Variants in F5 observed in about 807,000 individuals in gnomAD.
F5 encodes coagulation factor V.
A neutral mutation model predicts 216.4 loss-of-function variants in F5; 138 were observed. The observed-to-expected ratio is 0.64, with a 90% CI of 0.56 to 0.73. The LOEUF is 0.73. Among genes scored for constraint, F5 ranks in the 30% least tolerant of loss-of-function variants. The pLI is 0.00. For missense variants in F5, 2,403 were observed against 2,674.0 expected, an observed-to-expected ratio of 0.90 and a Z score of 2.24; for synonymous variants, 916 against 930.7, an observed-to-expected ratio of 0.98 and a Z score of 0.29.
intron 1 of F5, 81 bp downstream of exon 1, chr1:169,586,148 G>T: frequency 8.2e-6 from 12 of 1,461,410 alleles, no homozygotes; most frequent in African/African-American, 1.4e-5. Context: ...AAAAAGCCAT[G>T]ACATTGCAAA....
intron 5 of F5, among the ~76,000 whole-genome samples, chr1:169,558,658 C>A (rs939679736): frequency 6.6e-6 from 1 of 152,120 alleles, no homozygotes; most frequent in Non-Finnish European, 1.5e-5. Context: ...ATTTTGCCTT[C>A]TCATAAGTGC....
At chr1:169,521,912 C>T (rs1659318863) in intron 21 of F5, among the ~76,000 whole-genome samples, 3 of 147,378 alleles carry the variant, frequency 2.0e-5, no homozygotes, top group South Asian at 4.5e-4. Flanking sequence ...AGCCACTGCG[C>T]CCGGCCAAGA....
intron 6 of F5, among the ~76,000 whole-genome samples, chr1:169,556,423 A>T (rs1432623475): frequency 7.2e-6 from 1 of 138,036 alleles, no homozygotes; most frequent in African/African-American, 2.7e-5. Context: ...CTTTTGCTTA[A>T]TTAAAAAAAA....
chr1:169,557,491 C>G (rs1660359751), intron 5 of F5, among the ~76,000 whole-genome samples: 1 of 152,144 alleles, frequency 6.6e-6, no homozygotes, highest in Non-Finnish European at 1.5e-5. Context: ...GTTACACACT[C>G]TCCTTAAAAT....
intron 3 of F5, among the ~76,000 whole-genome samples, chr1:169,564,659 T>C (rs893542309): frequency 1.3e-5 from 2 of 152,202 alleles, no homozygotes; most frequent in East Asian, 3.9e-4. Context: ...CCATATAAAA[T>C]ATTTTTTTAC....
At chr1:169,514,840 G>T (rs191401257) in intron 24 of F5, among the ~76,000 whole-genome samples, 1 of 152,116 alleles carries the variant, frequency 6.6e-6, no homozygotes, top group Non-Finnish European at 1.5e-5. Context: ...CTCACATGGT[G>T]CTGTGGAGCA....
chr1:169,544,185 G>T (rs1557917365), intron 12 of F5, 111 bp downstream of exon 12: 1 of 834,300 alleles, frequency 1.2e-6, no homozygotes, highest in Middle Eastern at 3.2e-4. Context: ...GCCTGCAGGG[G>T]GTCAGGGAGA....
At position 169,512,250 on chromosome 1, in the gene F5, C is replaced by T. The variant is rs1188899593; in HGVS notation, c.*2063G>A. On this transcript the variant is annotated 3_prime_UTR_variant, in exon 25 of 25. Transcript: ENST00000367797. ...TGGGCAAGTTGTTTAATCTTTGGGG[C>T]CTTATTTTTCTCAAGTAGAGAATAA... is the stretch of plus-strand genomic sequence containing the variant. 1.3e-5 allele frequency among the ~76,000 whole-genome samples: 2 copies of T among 151,936 alleles called. No individual in the cohort carries two copies. The highest frequency in any genetic ancestry group is 2.1e-4 in the South Asian group (1 of 4,824).
At chr1:169,545,451 C>T (rs764657856) in intron 11 of F5, among the ~76,000 whole-genome samples, 1 of 152,132 alleles carries the variant, frequency 6.6e-6, no homozygotes, top group Non-Finnish European at 1.5e-5. Flanking sequence ...TCAGGATATA[C>T]TGAGTTAAGT....
At chr1:169,571,918 A>G (rs530337927) in intron 3 of F5, among the ~76,000 whole-genome samples, 3 of 152,306 alleles carry the variant, frequency 2.0e-5, no homozygotes, top group African/African-American at 7.2e-5. Context: ...GCCTTAAACC[A>G]TCTTTCAATG....
chr1:169,526,020 A>G lies in F5; in HGVS notation c.5600-3T>C. Reference sequence around the variant, plus strand: ...CATTTCAAGAGTTTTAAATGAACCTAAAATAAAAAGAACAACATTACATTT... The same window carrying G: ...CATTTCAAGAGTTTTAAATGAACCTGAAATAAAAAGAACAACATTACATTT... On this transcript the variant is annotated splice_region_variant and splice_polypyrimidine_tract_variant and intron_variant, in intron 17 of 24. Coordinates refer to ENST00000367797, the MANE Select transcript of F5 (RefSeq NM_000130.5). The G allele has an allele frequency of 6.2e-7, 1 of 1,600,406 alleles. No individual in the cohort carries two copies. The highest frequency in any genetic ancestry group is 2.2e-5 in the East Asian group (1 of 44,786).
At chr1:169,566,587 G>A (rs16862358) in intron 3 of F5, among the ~76,000 whole-genome samples, 4,870 of 149,464 alleles carry the variant, frequency 0.033, 257 homozygotes, top group African/African-American at 0.11. Flanking sequence ...GTGGGAGAAA[G>A]CACTTGAACT....
intron 12 of F5, among the ~76,000 whole-genome samples, chr1:169,543,630 G>A (rs552820162): frequency 1.3e-5 from 2 of 152,282 alleles, no homozygotes; most frequent in South Asian, 4.2e-4. Context: ...AATAATTCAC[G>A]AGGACAATTT....
At chr1:169,560,503 C>G in intron 4 of F5, 51 bp downstream of exon 4, 2 of 1,581,176 alleles carry the variant, frequency 1.3e-6, no homozygotes, top group Non-Finnish European at 1.7e-6. Flanking sequence ...GACAGAACTC[C>G]TGACCATTCC....
chr1:169,540,578 T>C lies in F5; in HGVS notation c.4512A>G (p.Ser1504=). ...CTATAACCAGTGGATTAAATTCCTTTGATAGAAAAGTATCATTGAGAGTAG... is the reference window on the plus strand; with the variant it reads ...CTATAACCAGTGGATTAAATTCCTTCGATAGAAAAGTATCATTGAGAGTAG... ...SSPTLNDTFL[S]KEFNPLVIVG... The change falls in exon 13 of 25, where the codon TCA becomes TCG. Residue 1504 remains serine, a synonymous_variant. Coordinates refer to ENST00000367797, the MANE Select transcript of F5 (RefSeq NM_000130.5). 1 of 1,614,064 alleles carries C rather than the reference T, an allele frequency of 6.2e-7. No homozygotes were observed. Among genetic ancestry groups the C allele is most frequent in the Non-Finnish European group, 8.5e-7 (1 of 1,179,976 alleles).
At chr1:169,537,936 A>G (rs183601314) in intron 13 of F5, among the ~76,000 whole-genome samples, 3 of 152,246 alleles carry the variant, frequency 2.0e-5, no homozygotes, top group Non-Finnish European at 1.5e-5. Flanking sequence ...TTAAAAATTA[A>G]AAATAGAATT....
chr1:169,576,199 G>C (rs1660845727), intron 2 of F5, among the ~76,000 whole-genome samples: 1 of 152,140 alleles, frequency 6.6e-6, no homozygotes, highest in African/African-American at 2.4e-5. Context: ...AATCATAAAA[G>C]AATAAATTTG....
chr1:169,528,131 GTTGACAC>G, intron 16 of F5, 37 bp from the exon 17 acceptor site: 1 of 1,611,902 alleles, frequency 6.2e-7, no homozygotes, highest in Non-Finnish European at 8.5e-7. Flanking sequence ...TTAAAAATCT[GTTGACAC>G]AGAGAGGGCG....
rs1273363864 is a variant in F5, at chr1:169,540,427, T to A, written c.4663A>T (p.Arg1555Trp). ...PYDDPYKTDVRTNINSSRDPD... is the reference protein window; with the variant it reads ...PYDDPYKTDVWTNINSSRDPD... Reference sequence around the variant, plus strand: ...TCTCTGGAGGAGTTGATGTTTGTCCTAACATCAGTTTTGTAGGGGTCATCA... The same window carrying A: ...TCTCTGGAGGAGTTGATGTTTGTCCAAACATCAGTTTTGTAGGGGTCATCA... The change falls in exon 13 of 25, where the codon AGG (arginine) becomes TGG (tryptophan). Residue 1555 changes from arginine to tryptophan, a missense_variant. Coordinates refer to ENST00000367797, the MANE Select transcript of F5 (RefSeq NM_000130.5). 2 of 1,613,928 alleles carry A rather than the reference T, an allele frequency of 1.2e-6. No individual in the cohort carries two copies. The highest frequency in any genetic ancestry group is 2.7e-5 in the African/African-American group (2 of 74,908).
Sources: allele counts gnomAD v4.1 joint callset (sites outside exome capture counted in the v4.1 genomes callset), GRCh38; gene constraint gnomAD v4.1.1; transcripts MANE v1.5; gene names NCBI Gene and HGNC (gene_info 2026-07-23, HGNC 2026-07-21).